Variants in NLGN1 observed in about 807,000 individuals in gnomAD.
NLGN1 encodes neuroligin 1.
Under a neutral mutation model 65.5 loss-of-function variants are expected in NLGN1, and 12 were observed. That is an observed-to-expected ratio of 0.18 (90% CI 0.12 to 0.30). The LOEUF is 0.30. Ranked by LOEUF, NLGN1 falls within the 10% of genes least tolerant of loss-of-function variation. The probability of loss-of-function intolerance (pLI) is 1.00; values close to 1 mark genes in which losing one functional copy is unlikely to be tolerated. For missense variants in NLGN1, 750 were observed against 1,007.1 expected (o/e 0.74, Z 3.46); for synonymous variants, 350 against 359.5 (o/e 0.97, Z 0.30).
At chr3:174,196,465 T>C (rs906450469) in intron 4 of NLGN1, among the ~76,000 whole-genome samples, 2 of 152,228 alleles carry the variant, frequency 1.3e-5, no homozygotes, top group African/African-American at 4.8e-5. Context: ...TTGAGTTTTA[T>C]TCGTCTTGTA....
chr3:174,293,102 CT>C, the NLGN1 span, among the ~76,000 whole-genome samples: 1 of 151,408 alleles, frequency 6.6e-6, no homozygotes, highest in African/African-American at 2.4e-5. Flanking sequence ...AAAAGTTCTG[CT>C]TCAGGAAGAA....
chr3:174,068,084 G>A (rs16833012), intron 4 of NLGN1, among the ~76,000 whole-genome samples: 35,224 of 151,832 alleles, frequency 0.23, 5,670 homozygotes, highest in African/African-American at 0.46. Flanking sequence ...TCCTTGCTTT[G>A]ACTACTGGAA....
At chr3:173,527,118 A>G (rs1735776085) in intron 2 of NLGN1, among the ~76,000 whole-genome samples, 1 of 152,082 alleles carries the variant, frequency 6.6e-6, no homozygotes, top group Non-Finnish European at 1.5e-5. Flanking sequence ...ACCTAGTTCT[A>G]TTTTTAGTTT....
At chr3:173,496,105 C>T (rs1281787052) in intron 2 of NLGN1, among the ~76,000 whole-genome samples, 1 of 151,638 alleles carries the variant, frequency 6.6e-6, no homozygotes, top group Non-Finnish European at 1.5e-5. Context: ...TTTCCTGTCT[C>T]CCTGCCTTCT....
At chr3:174,045,830 T>C (rs138870103) in intron 4 of NLGN1, among the ~76,000 whole-genome samples, 1 of 152,280 alleles carries the variant, frequency 6.6e-6, no homozygotes, top group East Asian at 1.9e-4. Flanking sequence ...AGAGTAAGTA[T>C]GGAAAGCTGA....
downstream of NLGN1, among the ~76,000 whole-genome samples, chr3:174,289,939 GTATGTATATATATGTGTA>G (rs1752549969): frequency 9.6e-6 from 1 of 103,722 alleles, no homozygotes; most frequent in Non-Finnish European, 2.0e-5. Context: ...ATATATATAT[GTATGTATATATATGTGTA>G]TATATATATA....
At chr3:173,805,865 T>G (rs931406808) in intron 3 of NLGN1, among the ~76,000 whole-genome samples, 2 of 152,154 alleles carry the variant, frequency 1.3e-5, no homozygotes, top group Non-Finnish European at 2.9e-5. Context: ...TTTAACAATC[T>G]CAAAAGGATT....
At chr3:173,712,781 A>T (rs934559928) in intron 3 of NLGN1, among the ~76,000 whole-genome samples, 1 of 152,068 alleles carries the variant, frequency 6.6e-6, no homozygotes, top group Non-Finnish European at 1.5e-5. Context: ...TTTTTTCTTG[A>T]AACTTGAGGC....
intron 4 of NLGN1, among the ~76,000 whole-genome samples, chr3:174,072,532 A>G (rs527427084): frequency 1.3e-5 from 2 of 152,280 alleles, no homozygotes; most frequent in East Asian, 1.9e-4. Context: ...GGGCACATCA[A>G]GGATACTGAA....
At chr3:173,513,827 A>C (rs1577053688) in intron 2 of NLGN1, among the ~76,000 whole-genome samples, 1 of 152,150 alleles carries the variant, frequency 6.6e-6, no homozygotes, top group East Asian at 1.9e-4. Flanking sequence ...GGAGTTCACA[A>C]CCAGCCTGGC....
intron 3 of NLGN1, among the ~76,000 whole-genome samples, chr3:173,745,191 A>G (rs992030963): frequency 2.0e-5 from 3 of 152,080 alleles, no homozygotes; most frequent in Non-Finnish European, 4.4e-5. Context: ...CTGTGCTCAG[A>G]GATGCCTTGC....
intron 2 of NLGN1, among the ~76,000 whole-genome samples, chr3:173,452,567 A>G (rs1721792717): frequency 6.6e-6 from 1 of 152,208 alleles, no homozygotes; most frequent in African/African-American, 2.4e-5. Context: ...TACTTACAGT[A>G]TGTATAATTT....
chr3:173,800,623 A>G (rs1343289554), intron 3 of NLGN1, among the ~76,000 whole-genome samples: 1 of 151,430 alleles, frequency 6.6e-6, no homozygotes, highest in Non-Finnish European at 1.5e-5. Flanking sequence ...GACTTTTGAT[A>G]TGTTTCATCC....
chr3:173,586,830 G>A (rs1747537767), intron 2 of NLGN1, among the ~76,000 whole-genome samples: 1 of 152,178 alleles, frequency 6.6e-6, no homozygotes, highest in Non-Finnish European at 1.5e-5. Flanking sequence ...CAGACTGAGA[G>A]TAGAAGAATG....
intron 4 of NLGN1, among the ~76,000 whole-genome samples, chr3:174,182,071 C>T (rs1263470708): frequency 6.6e-6 from 1 of 151,708 alleles, no homozygotes; most frequent in East Asian, 1.9e-4. Context: ...TTGTACACAC[C>T]TAACCCATAC....
chr3:174,125,589 G>GCTGCATATTCCAGTTCGGAACTGCA (rs1718768177), intron 4 of NLGN1, among the ~76,000 whole-genome samples: 1 of 152,088 alleles, frequency 6.6e-6, no homozygotes, highest in African/African-American at 2.4e-5. Flanking sequence ...TGGAGATACT[G>GCTGCATATTCCAGTTCGGAACTGCA]AATAGGCTGC....
intron 4 of NLGN1, among the ~76,000 whole-genome samples, chr3:173,928,886 G>T (rs1743520065): frequency 6.6e-6 from 1 of 151,834 alleles, no homozygotes; most frequent in Admixed American, 6.6e-5. Context: ...GACTAGGCTG[G>T]TGTTGAACTG....
intron 3 of NLGN1, among the ~76,000 whole-genome samples, chr3:173,659,795 G>A (rs1434299113): frequency 6.6e-6 from 1 of 151,626 alleles, no homozygotes; most frequent in Non-Finnish European, 1.5e-5. Context: ...AGAAGGGGGT[G>A]GTGGTTTCTT....
chr3:173,496,402 A>G (rs1003063184), intron 2 of NLGN1, among the ~76,000 whole-genome samples: 1 of 151,980 alleles, frequency 6.6e-6, no homozygotes, highest in African/African-American at 2.4e-5. Flanking sequence ...TAAACATACA[A>G]AATATTAAAA....
Sources: allele counts gnomAD v4.1 joint callset (sites outside exome capture counted in the v4.1 genomes callset), GRCh38; gene constraint gnomAD v4.1.1; transcripts MANE v1.5; gene names NCBI Gene and HGNC (gene_info 2026-07-23, HGNC 2026-07-21).